ADAMTS6: variants seen among roughly 807,000 people sequenced by gnomAD.
ADAMTS6 encodes ADAM metallopeptidase with thrombospondin type 1 motif 6.
A neutral mutation model predicts 144.3 loss-of-function variants in ADAMTS6; 23 were observed. The ratio of observed to expected loss-of-function variants is 0.16; its 90% CI spans 0.11 to 0.23. The LOEUF is 0.23. Among genes scored for constraint, ADAMTS6 ranks in the 10% least tolerant of loss-of-function variants. The pLI is 1.00. For missense variants in ADAMTS6, 999 were observed against 1,379.6 expected, an observed-to-expected ratio of 0.72 and a Z score of 4.37; for synonymous variants, 444 against 457.5, an observed-to-expected ratio of 0.97 and a Z score of 0.38.
intron 24 of ADAMTS6, among the ~76,000 whole-genome samples, chr5:65,169,797 A>G (rs1753482062): frequency 6.6e-6 from 1 of 150,910 alleles, no homozygotes; most frequent in Admixed American, 6.6e-5. Context: ...CAAAAAACCA[A>G]ACACTGCATA....
chr5:65,471,478 GAA>G (rs1182586989), intron 2 of ADAMTS6, among the ~76,000 whole-genome samples: 1 of 152,026 alleles, frequency 6.6e-6, no homozygotes, highest in African/African-American at 2.4e-5. Context: ...ATATGTAAAA[GAA>G]AAGAGTTTAG....
chr5:65,365,023 CAAG>C, intron 7 of ADAMTS6, among the ~76,000 whole-genome samples: 1 of 152,230 alleles, frequency 6.6e-6, no homozygotes, highest in African/African-American at 2.4e-5. Context: ...TTTGCTTGCT[CAAG>C]GCCCAGGCAG....
At chr5:65,257,775 G>T (rs1448536220) in intron 14 of ADAMTS6, among the ~76,000 whole-genome samples, 1 of 152,038 alleles carries the variant, frequency 6.6e-6, no homozygotes, top group East Asian at 1.9e-4. Flanking sequence ...CTTCCTGTGG[G>T]ACAAAGTCCT....
chr5:65,189,626 AC>A (rs1367666719), intron 21 of ADAMTS6, among the ~76,000 whole-genome samples: 1 of 152,192 alleles, frequency 6.6e-6, no homozygotes, highest in Non-Finnish European at 1.5e-5. Context: ...AAGGGTCTTG[AC>A]TGACATATTG....
At chr5:65,394,376 T>C (rs1753171781) in intron 7 of ADAMTS6, among the ~76,000 whole-genome samples, 1 of 152,176 alleles carries the variant, frequency 6.6e-6, no homozygotes, top group African/African-American at 2.4e-5. Flanking sequence ...TAACTACAAC[T>C]GCATTAGAGA....
chr5:65,385,453 T>TAATC (rs1449057789), intron 7 of ADAMTS6, among the ~76,000 whole-genome samples: 1 of 152,234 alleles, frequency 6.6e-6, no homozygotes, highest in African/African-American at 2.4e-5. Context: ...TGATCTTGGG[T>TAATC]AATCTCCTTT....
At chr5:65,370,740 C>G (rs1188194178) in intron 7 of ADAMTS6, among the ~76,000 whole-genome samples, 1 of 152,218 alleles carries the variant, frequency 6.6e-6, no homozygotes, top group Non-Finnish European at 1.5e-5. Context: ...GTAAACAAAG[C>G]AGAGGGGAAG....
chr5:65,412,152 A>T (rs1755104189), intron 7 of ADAMTS6, among the ~76,000 whole-genome samples: 2 of 152,200 alleles, frequency 1.3e-5, no homozygotes, highest in Non-Finnish European at 2.9e-5. Context: ...GCAAAATGCA[A>T]GAAAAGATCT....
intron 18 of ADAMTS6, among the ~76,000 whole-genome samples, chr5:65,216,388 C>T (rs1306042954): frequency 6.6e-6 from 1 of 150,744 alleles, no homozygotes; most frequent in Non-Finnish European, 1.5e-5. Flanking sequence ...AGGTAAAAAG[C>T]CACAGAGACA....
intron 7 of ADAMTS6, among the ~76,000 whole-genome samples, chr5:65,391,193 T>C (rs953165996): frequency 6.6e-6 from 1 of 152,148 alleles, no homozygotes; most frequent in Non-Finnish European, 1.5e-5. Context: ...GTGCCAGGAT[T>C]ACAGGTATGA....
At chr5:65,169,898 A>T (rs1199598959) in intron 24 of ADAMTS6, among the ~76,000 whole-genome samples, 1 of 66,074 alleles carries the variant, frequency 1.5e-5, no homozygotes, top group African/African-American at 7.6e-5. Context: ...GGGAGGGGGG[A>T]GGGGGGAGGG....
intron 18 of ADAMTS6, among the ~76,000 whole-genome samples, chr5:65,224,058 C>A (rs1219544538): frequency 2.0e-5 from 3 of 152,108 alleles, no homozygotes; most frequent in African/African-American, 7.2e-5. Context: ...CCTCGGCCTC[C>A]CAAAGTGCTG....
At chr5:65,172,687 C>T in intron 23 of ADAMTS6, 145 bp downstream of exon 23, 1 of 935,964 alleles carries the variant, frequency 1.1e-6, no homozygotes, top group Non-Finnish European at 1.5e-6. Flanking sequence ...GGTTTGTGCA[C>T]TGTTTCACAC....
intron 12 of ADAMTS6, among the ~76,000 whole-genome samples, chr5:65,265,949 T>C (rs2112619257): frequency 6.6e-6 from 1 of 152,102 alleles, no homozygotes; most frequent in Non-Finnish European, 1.5e-5. Context: ...TAACATGCTT[T>C]ACTGGATTTT....
rs575936539 is a variant in ADAMTS6, at chr5:65,380,106, T to G, written c.1074-46021A>C. On this transcript the variant is annotated intron_variant, in intron 7 of 24. Transcript: ENST00000381055. Reference sequence around the variant, plus strand: ...AAGTTACACCAAGAAAATATAAAAATAGTATAAATCAGAACTTTTTTTTCT... The same window carrying G: ...AAGTTACACCAAGAAAATATAAAAAGAGTATAAATCAGAACTTTTTTTTCT... Among the ~76,000 whole-genome samples, 8 of 152,132 alleles carry G rather than the reference T, an allele frequency of 5.3e-5. No homozygotes were observed. In the South Asian group the frequency reaches 1.5e-3, roughly 28 times the overall value.
intron 24 of ADAMTS6, among the ~76,000 whole-genome samples, chr5:65,158,704 TC>T (rs1368365989): frequency 6.6e-6 from 1 of 152,168 alleles, no homozygotes; most frequent in Admixed American, 6.5e-5. Context: ...AGTGTTACCC[TC>T]ATCAGTGGCA....
intron 9 of ADAMTS6, among the ~76,000 whole-genome samples, chr5:65,328,893 GT>G (rs1007319307): frequency 8.7e-5 from 13 of 148,976 alleles, no homozygotes; most frequent in African/African-American, 1.5e-4. Context: ...ACTTCTTGCA[GT>G]TTTTTTTTTC....
At chr5:65,289,418 A>G (rs1209884957) in intron 11 of ADAMTS6, among the ~76,000 whole-genome samples, 1 of 152,168 alleles carries the variant, frequency 6.6e-6, no homozygotes, top group African/African-American at 2.4e-5. Context: ...CTGTAATCCC[A>G]GCTACTCAGA....
intron 8 of ADAMTS6, 28 bp downstream of exon 8, chr5:65,334,014 A>C (rs945720113): frequency 4.8e-5 from 67 of 1,407,346 alleles, no homozygotes; most frequent in South Asian, 1.7e-4. Flanking sequence ...AAAAAAAAAA[A>C]AAAAAAAAAA....
Sources: allele counts gnomAD v4.1 joint callset (sites outside exome capture counted in the v4.1 genomes callset), GRCh38; gene constraint gnomAD v4.1.1; transcripts MANE v1.5; gene names NCBI Gene and HGNC (gene_info 2026-07-23, HGNC 2026-07-21).